The following ABCC9 variants were observed in gnomAD, a reference collection of about 807,000 sequenced individuals.
ABCC9 encodes ATP-binding cassette sub-family C member 9.
Under a neutral mutation model 188.3 loss-of-function variants are expected in ABCC9, and 95 were observed. The ratio of observed to expected loss-of-function variants is 0.50; its 90% CI spans 0.43 to 0.60. ABCC9 has a LOEUF of 0.60. ABCC9 is among the 20% of genes least tolerant of loss of function. The pLI is 0.00. For synonymous variants in ABCC9, 659 were observed against 652.7 expected, an observed-to-expected ratio of 1.01 and a Z score of -0.15; for missense variants, 1,102 against 1,876.3, an observed-to-expected ratio of 0.59 and a Z score of 7.62.
chr12:21,834,794 C>T (rs867648814), intron 30 of ABCC9, among the ~76,000 whole-genome samples: 8,657 of 139,560 alleles, frequency 0.062, 333 homozygotes, highest in South Asian at 0.11. Flanking sequence ...TATACACACA[C>T]ACACACACAC....
chr12:21,820,725 CT>C (rs1942989807), intron 31 of ABCC9, among the ~76,000 whole-genome samples: 1 of 152,082 alleles, frequency 6.6e-6, no homozygotes, highest in South Asian at 2.1e-4. Context: ...CGGTAGGTCT[CT>C]GATACCTGGC....
Position 21,854,423 on chromosome 12 carries a change from T to G in ABCC9, c.2506-1918A>C, listed in dbSNP as rs532568611. Reference sequence around the variant, plus strand: ...AAGAATTATAGGAGCCTTTAAAAAATCAGTCTGCTGGATATTGTAATTGTG... The same window carrying G: ...AAGAATTATAGGAGCCTTTAAAAAAGCAGTCTGCTGGATATTGTAATTGTG... On this transcript the variant is annotated intron_variant, in intron 22 of 39. Transcript: ENST00000261200. Among the ~76,000 whole-genome samples the G allele has an allele frequency of 1.5e-3, 228 of 152,314 alleles. 2 individuals carry two copies. The highest frequency in any genetic ancestry group is 5.1e-3 in the African/African-American group (213 of 41,570).
chr12:21,887,553 T>C (rs2137688429), intron 15 of ABCC9, among the ~76,000 whole-genome samples: 1 of 152,310 alleles, frequency 6.6e-6, no homozygotes, highest in East Asian at 1.9e-4. Context: ...GTTATTTTTA[T>C]ATACATTTGG....
At position 21,931,704 on chromosome 12, in the gene ABCC9, T is replaced by G. The variant is rs371064307; in HGVS notation, c.284+2078A>C. On this transcript the variant is annotated intron_variant, in intron 4 of 39. Transcript: ENST00000261200. ...AAATATTGGATGATCTATCTTCTAC[T>G]TTATACATACGCATATAAACAGATA... 1.7e-3 allele frequency among the ~76,000 whole-genome samples: 263 copies of G among 152,292 alleles called. 3 individuals are homozygous for G. In the South Asian group the frequency reaches 0.035, roughly 20 times the overall value.
At position 21,867,101 on chromosome 12, in the gene ABCC9, G is replaced by T. The variant is rs188206223; in HGVS notation, c.2199-2624C>A. Among the ~76,000 whole-genome samples the T allele has an allele frequency of 4.1e-3, 623 of 152,186 alleles. 1 individual carries two copies. The highest frequency in any genetic ancestry group is 6.8e-3 in the Non-Finnish European group (464 of 68,002). On this transcript the variant is annotated intron_variant, in intron 18 of 39. Coordinates refer to ENST00000261200, the MANE Select transcript of ABCC9 (RefSeq NM_020297.4). ...CTTTTCTTTCAGAGAAAGAAAAAAAGAGGTAAACTTAGACTCATTTGTAGG... is the reference window on the plus strand; with the variant it reads ...CTTTTCTTTCAGAGAAAGAAAAAAATAGGTAAACTTAGACTCATTTGTAGG...
At chr12:21,817,360 T>C (rs755779389) in intron 32 of ABCC9, 53 bp from the exon 33 acceptor site, 12 of 1,590,144 alleles carry the variant, frequency 7.5e-6, no homozygotes, top group Non-Finnish European at 1.0e-5. Flanking sequence ...TAAGAAGTTG[T>C]GGTTAATCAC....
chr12:21,883,552 T>C (rs1466510695), intron 15 of ABCC9, among the ~76,000 whole-genome samples: 2 of 152,202 alleles, frequency 1.3e-5, no homozygotes, highest in African/African-American at 4.8e-5. Context: ...ATGTCTTTAT[T>C]AGCAGTGTGA....
At chr12:21,822,231 G>T (rs1193950970) in intron 31 of ABCC9, among the ~76,000 whole-genome samples, 1 of 151,164 alleles carries the variant, frequency 6.6e-6, no homozygotes, top group East Asian at 1.9e-4. Flanking sequence ...TCTTTTTAAA[G>T]AAAAAGTCAT....
chr12:21,911,109 A>C, intron 8 of ABCC9, 131 bp from the exon 9 acceptor site: 5 of 833,606 alleles, frequency 6.0e-6, no homozygotes, highest in Non-Finnish European at 9.4e-6. Flanking sequence ...ACAGCAGTGA[A>C]ATACAATACA....
Position 21,798,174 on chromosome 12 carries a change from G to T in ABCC9, c.*2870C>A, listed in dbSNP as rs562553615. 6.6e-6 allele frequency: 1 copy of T among 152,162 alleles called. No individual in the cohort carries two copies. Among genetic ancestry groups the T allele is most frequent in the African/African-American group, 2.4e-5 (1 of 41,454 alleles). 9.4% of individuals were successfully genotyped at this position (152,162 alleles called of 1,614,324 possible). A position where few individuals can be genotyped will look rare whatever the true frequency, so the allele number is the denominator to read the frequency against. ...AATGGTGAATGTGATCTTTAGTTTA[G>T]TGTAACTAGATAGGCTTCTACTGAT... On this transcript the variant is annotated 3_prime_UTR_variant, in exon 40 of 40. Coordinates refer to ENST00000261200, the MANE Select transcript of ABCC9 (RefSeq NM_020297.4).
chr12:21,800,947 G>GT lies in ABCC9; in HGVS notation c.*96dup. 6.9e-7 allele frequency: 1 copy of GT among 1,459,494 alleles called. No individual in the cohort carries two copies. The highest frequency in any genetic ancestry group is 9.4e-7 in the Non-Finnish European group (1 of 1,065,848). 90.4% of individuals were successfully genotyped at this position (1,459,494 alleles called of 1,614,324 possible). On this transcript the variant is annotated 3_prime_UTR_variant, in exon 40 of 40. Coordinates refer to ENST00000261200, the MANE Select transcript of ABCC9 (RefSeq NM_020297.4). The stretch of plus-strand genomic sequence containing the variant: ...ACTTTTTGTGCAAAAATCTGTAAAA[G>GT]TTTTAAGATGCCACTTTACAGAGGT...
intron 28 of ABCC9, among the ~76,000 whole-genome samples, chr12:21,843,077 A>G (rs1176975044): frequency 6.6e-6 from 1 of 152,004 alleles, no homozygotes; most frequent in Non-Finnish European, 1.5e-5. Context: ...ATTTCTGTTG[A>G]CTTGTGGGCT....
chr12:21,812,780 A>G (rs1354548883), intron 35 of ABCC9, among the ~76,000 whole-genome samples: 2 of 152,150 alleles, frequency 1.3e-5, no homozygotes, highest in Non-Finnish European at 2.9e-5. Context: ...GCAAACCACC[A>G]TGGCACATGT....
chr12:21,817,519 A>G (rs1942724851), intron 32 of ABCC9, among the ~76,000 whole-genome samples: 2 of 152,146 alleles, frequency 1.3e-5, no homozygotes. Flanking sequence ...CATAACTGTC[A>G]CTATTTTGTG....
intron 18 of ABCC9, among the ~76,000 whole-genome samples, chr12:21,866,971 G>A (rs1592107652): frequency 6.6e-6 from 1 of 152,226 alleles, no homozygotes; most frequent in South Asian, 2.1e-4. Flanking sequence ...ACATTTATAA[G>A]AGAAAAGGGT....
At position 21,800,438 on chromosome 12, in the gene ABCC9, C is replaced by CT. The variant is rs1424373337; in HGVS notation, c.*605dup. On this transcript the variant is annotated 3_prime_UTR_variant, in exon 40 of 40. Coordinates refer to ENST00000261200, the MANE Select transcript of ABCC9 (RefSeq NM_020297.4). ...TAAAAATATCCAAACTCTTCATGAT[C>CT]TTTCTAGATAAGGCTTTGGCCTTAT... The CT allele has an allele frequency of 6.6e-6, 1 of 152,292 alleles. No individual in the cohort carries two copies. The highest frequency in any genetic ancestry group is 1.5e-5 in the Non-Finnish European group (1 of 68,174). 9.4% of individuals were successfully genotyped at this position (152,292 alleles called of 1,614,324 possible).
chr12:21,849,467 A>G (rs137907714), intron 24 of ABCC9, among the ~76,000 whole-genome samples: 96 of 152,304 alleles, frequency 6.3e-4, no homozygotes, highest in South Asian at 1.7e-3. Flanking sequence ...ATTAAACTCA[A>G]AATTAAAGAG....
At position 21,799,920 on chromosome 12, in the gene ABCC9, C is replaced by T. The variant is rs1402976392; in HGVS notation, c.*1124G>A. 2 of 152,144 alleles carry T rather than the reference C, an allele frequency of 1.3e-5. No homozygotes were observed. Among genetic ancestry groups the T allele is most frequent in the Non-Finnish European group, 2.9e-5 (2 of 68,024 alleles). The allele number at this position is 152,144 out of a possible 1,614,324, so 9.4% of individuals were successfully genotyped here. ...ATATCCCATCAATTTTTGATACACT[C>T]TTTACATGCTCATTAAAATTACAAT... is the stretch of plus-strand genomic sequence containing the variant. On this transcript the variant is annotated 3_prime_UTR_variant, in exon 40 of 40. Coordinates refer to ENST00000261200, the MANE Select transcript of ABCC9 (RefSeq NM_020297.4).
chr12:21,800,389 A>T lies in ABCC9; in HGVS notation c.*655T>A, dbSNP rs995455706. The T allele has an allele frequency of 2.0e-5, 3 of 152,356 alleles. No homozygotes were observed. Among genetic ancestry groups the T allele is most frequent in the African/African-American group, 7.2e-5 (3 of 41,454 alleles). 9.4% of individuals were successfully genotyped at this position (152,356 alleles called of 1,614,324 possible). A position where few individuals can be genotyped will look rare whatever the true frequency, so the allele number is the denominator to read the frequency against. On this transcript the variant is annotated 3_prime_UTR_variant, in exon 40 of 40. Coordinates refer to ENST00000261200, the MANE Select transcript of ABCC9 (RefSeq NM_020297.4). Reference sequence around the variant, plus strand: ...GAATTCTCTCTTTACAGGACAGGAAAAAATGAAAATTCGAGTATAGTTTTA... The same window carrying T: ...GAATTCTCTCTTTACAGGACAGGAATAAATGAAAATTCGAGTATAGTTTTA...
Sources: gnomAD v4.1 joint callset for allele counts (sites outside exome capture counted in the v4.1 genomes callset) on GRCh38, gnomAD v4.1.1 for gene constraint, MANE v1.5 for transcripts, NCBI Gene and HGNC (gene_info 2026-07-23, HGNC 2026-07-21) for gene names.